LRRC8B: variants seen among roughly 807,000 people sequenced by gnomAD.
The protein encoded by LRRC8B is leucine rich repeat containing 8 VRAC subunit B, also known as volume-regulated anion channel subunit LRRC8B.
In LRRC8B, 23 loss-of-function variants were observed where a neutral mutation model predicts 58.8. That is an observed-to-expected ratio of 0.39 (90% CI 0.28 to 0.55). The LOEUF (loss-of-function observed/expected upper bound fraction) is 0.55. LRRC8B is among the 20% of genes least tolerant of loss of function. The pLI, the probability that LRRC8B is intolerant of heterozygous loss-of-function variation, is 0.62. For missense variants in LRRC8B, 694 were observed against 936.0 expected, an observed-to-expected ratio of 0.74 and a Z score of 3.37; for synonymous variants, 359 against 374.1, an observed-to-expected ratio of 0.96 and a Z score of 0.47.
chr1:89,597,345 G>T lies in LRRC8B; in HGVS notation c.*4302G>T, dbSNP rs1377563131. ...CATATTTAACTTTTGCATTTAACTTGTATAATACACTACTGCTGAGAAAAA... is the reference window on the plus strand; with the variant it reads ...CATATTTAACTTTTGCATTTAACTTTTATAATACACTACTGCTGAGAAAAA... On this transcript the variant is annotated 3_prime_UTR_variant, in exon 6 of 6. Coordinates refer to ENST00000330947, the MANE Select transcript of LRRC8B (RefSeq NM_001369817.2). 6.6e-6 allele frequency: 1 copy of T among 152,168 alleles called. No homozygotes were observed. Among genetic ancestry groups the T allele is most frequent in the Admixed American group, 6.5e-5 (1 of 15,282 alleles). The allele number at this position is 152,168 out of a possible 1,614,324, so 9.4% of individuals were successfully genotyped here.
At chr1:89,539,598 A>G (rs1169048690) in intron 1 of LRRC8B, among the ~76,000 whole-genome samples, 4 of 152,210 alleles carry the variant, frequency 2.6e-5, no homozygotes, top group African/African-American at 9.7e-5. Context: ...AAAGTGTAAT[A>G]TAGAAATTAG....
Position 89,583,467 on chromosome 1 carries a change from A to G in LRRC8B, c.817A>G (p.Ile273Val), listed in dbSNP as rs753228947. The change falls in exon 5 of 6, where the codon ATA becomes GTA. Residue 273 changes from isoleucine to valine, a missense_variant. Physicochemically the swap from Ile to Val is conservative, Grantham distance 29. Transcript: ENST00000330947. This position sits in a 1 kb window ranked among gnomAD's most constrained non-coding sequence, Gnocchi z 5.2. ...IVKVILFVLI[I>V]TYVPYFLTHI... ...CAAAGTCATTTTGTTTGTGCTCATC[A>G]TAACTTATGTTCCATATTTTTTAAC... is the stretch of plus-strand genomic sequence containing the variant. 3 of 1,614,094 alleles carry G rather than the reference A, an allele frequency of 1.9e-6. No homozygotes were observed. The highest frequency in any genetic ancestry group is 2.7e-5 in the African/African-American group (2 of 75,062).
chr1:89,564,341 CTT>C (rs970867776), intron 1 of LRRC8B, among the ~76,000 whole-genome samples: 9 of 152,126 alleles, frequency 5.9e-5, no homozygotes, highest in African/African-American at 1.9e-4. Flanking sequence ...TAAATTGTCT[CTT>C]TTAGTTTTTC....
rs1207656483 is a variant in LRRC8B at position 89,524,875 on chromosome 1, G to C, written c.-388G>C. 1 of 152,204 alleles carries C rather than the reference G, an allele frequency of 6.6e-6. No homozygotes were observed. Among genetic ancestry groups the C allele is most frequent in the African/African-American group, 2.4e-5 (1 of 41,454 alleles). 9.4% of individuals were successfully genotyped at this position (152,204 alleles called of 1,614,324 possible). ...CGTCACAATGGAGCCGGTCGGAGGC[G>C]GCGAGCCGGACAGCGCCGGGGCTTC... is the stretch of plus-strand genomic sequence containing the variant. On this transcript the variant is annotated 5_prime_UTR_variant, in exon 1 of 6. Transcript: ENST00000330947.
intron 3 of LRRC8B, among the ~76,000 whole-genome samples, chr1:89,574,301 T>A (rs1653679488): frequency 6.6e-6 from 1 of 152,162 alleles, no homozygotes; most frequent in Non-Finnish European, 1.5e-5. Flanking sequence ...TTACACAGAA[T>A]AAAGAATCAA....
At chr1:89,526,181 A>G (rs889473215) in intron 1 of LRRC8B, among the ~76,000 whole-genome samples, 1 of 152,146 alleles carries the variant, frequency 6.6e-6, no homozygotes, top group South Asian at 2.1e-4. Context: ...TGTACAGGCT[A>G]CACCTCCTGA....
At position 89,584,211 on chromosome 1, in the gene LRRC8B, G is replaced by A. The variant is rs1303430391; in HGVS notation, c.1561G>A (p.Val521Ile). ...CAAGGAACTTTATCTTTCGGGCTGT[G>A]TTCTCCCTGAACAGTTGAGTACTAT... ...NLKELYLSGC[V>I]LPEQLSTMQL... The change falls in exon 5 of 6, where the codon GTT becomes ATT. Residue 521 changes from valine to isoleucine, a missense_variant. Around this residue, in one of 5 missense-constraint regions of LRRC8B, gnomAD observed 162 missense variants for 198.5 expected, o/e 0.82. Coordinates refer to ENST00000330947, the MANE Select transcript of LRRC8B (RefSeq NM_001369817.2). 6.2e-7 allele frequency: 1 copy of A among 1,611,546 alleles called. No individual in the cohort carries two copies. The highest frequency in any genetic ancestry group is 1.7e-5 in the Admixed American group (1 of 60,018).
chr1:89,548,878 A>G (rs539366287), intron 1 of LRRC8B, among the ~76,000 whole-genome samples: 47 of 152,288 alleles, frequency 3.1e-4, no homozygotes, highest in African/African-American at 1.1e-3. Context: ...CCACCACAAC[A>G]TACATTCTGA....
intron 1 of LRRC8B, among the ~76,000 whole-genome samples, chr1:89,530,224 T>C (rs1279865742): frequency 6.7e-6 from 1 of 149,342 alleles, no homozygotes; most frequent in East Asian, 2.0e-4. Flanking sequence ...CCGGGCATAG[T>C]GGTGGGCGCC....
At chr1:89,535,910 A>G (rs984537192) in intron 1 of LRRC8B, among the ~76,000 whole-genome samples, 1 of 152,082 alleles carries the variant, frequency 6.6e-6, no homozygotes, top group Non-Finnish European at 1.5e-5. Flanking sequence ...TTTCTTTACA[A>G]ATAAATGCAA....
At chr1:89,586,293 T>C (rs1654618337) in intron 5 of LRRC8B, among the ~76,000 whole-genome samples, 1 of 152,160 alleles carries the variant, frequency 6.6e-6, no homozygotes, top group African/African-American at 2.4e-5. Context: ...CTCTGAAAAA[T>C]CACAAGTCTA....
At chr1:89,544,881 A>G (rs530374863) in intron 1 of LRRC8B, among the ~76,000 whole-genome samples, 1 of 152,240 alleles carries the variant, frequency 6.6e-6, no homozygotes, top group African/African-American at 2.4e-5. Context: ...GTCCTAGGAG[A>G]GCATAAACTC....
chr1:89,584,588 T>C lies in LRRC8B; in HGVS notation c.1938T>C (p.Ala646=). Residue 646 remains alanine (A), a synonymous_variant, in exon 5 of 6, where the codon GCT becomes GCC. Transcript: ENST00000330947. ...SCLKLWHNNI[A]YIPAQIGALS... is the part of the protein sequence containing the mutation. ...TAAAGTTGTGGCACAATAACATTGC[T>C]TATATTCCTGCACAGATTGGGGCAT... The C allele has an allele frequency of 6.2e-7, 1 of 1,614,162 alleles. No homozygotes were observed.
chr1:89,564,937 A>C (rs1205755288), intron 1 of LRRC8B, among the ~76,000 whole-genome samples: 1 of 152,156 alleles, frequency 6.6e-6, no homozygotes, highest in Non-Finnish European at 1.5e-5. Context: ...AGTGCATGAC[A>C]ATTTGATTTT....
chr1:89,584,336 A>C lies in LRRC8B; in HGVS notation c.1686A>C (p.Ser562=). The C allele has an allele frequency of 6.2e-7, 1 of 1,614,162 alleles. No homozygotes were observed. The highest frequency in any genetic ancestry group is 8.5e-7 in the Non-Finnish European group (1 of 1,180,036). ...AAGTTGTTACAGACCTCCTGCCTTC[A>C]TTGCAGAAACTGTCCCTTGATAATG... ...IPQVVTDLLP[S]LQKLSLDNEG... is the part of the protein sequence containing the mutation. The change falls in exon 5 of 6, where the codon TCA becomes TCC. Residue 562 remains serine (S), a synonymous_variant. Coordinates refer to ENST00000330947, the MANE Select transcript of LRRC8B (RefSeq NM_001369817.2).
intron 3 of LRRC8B, among the ~76,000 whole-genome samples, chr1:89,578,015 T>A (rs922093865): frequency 1.3e-5 from 2 of 152,204 alleles, no homozygotes; most frequent in Admixed American, 6.5e-5. Context: ...CAGTTGCAAC[T>A]TTATTTCTTA....
chr1:89,532,384 C>T (rs1303426954), intron 1 of LRRC8B, among the ~76,000 whole-genome samples: 1 of 152,162 alleles, frequency 6.6e-6, no homozygotes. Context: ...AATAATATTA[C>T]CTCATTGATA....
At chr1:89,546,834 T>A (rs1472576213) in intron 1 of LRRC8B, among the ~76,000 whole-genome samples, 1 of 152,172 alleles carries the variant, frequency 6.6e-6, no homozygotes, top group African/African-American at 2.4e-5. Flanking sequence ...AAGAGATGTA[T>A]CAGAAATTTG....
At chr1:89,529,155 T>A (rs541919862) in intron 1 of LRRC8B, among the ~76,000 whole-genome samples, 3 of 152,354 alleles carry the variant, frequency 2.0e-5, no homozygotes, top group African/African-American at 7.2e-5. Flanking sequence ...CATTAACATA[T>A]CTAATATAGT....
Sources: gnomAD v4.1 joint callset for allele counts (sites outside exome capture counted in the v4.1 genomes callset) on GRCh38, gnomAD v4.1.1 for gene constraint, gnomAD v4.1.1 regional missense constraint, Gnocchi (gnomAD v3.1) non-coding constraint, MANE v1.5 for transcripts, NCBI Gene and HGNC (gene_info 2026-07-23, HGNC 2026-07-21) for gene names.